ELOVL7: variants seen among roughly 807,000 people sequenced by gnomAD.
The protein encoded by ELOVL7 is ELOVL fatty acid elongase 7.
In ELOVL7, 27 loss-of-function variants were observed where a neutral mutation model predicts 35.7. The observed-to-expected ratio is 0.76, with a 90% confidence interval of 0.56 to 1.04. The LOEUF (loss-of-function observed/expected upper bound fraction) is 1.04. Among genes scored for constraint, ELOVL7 ranks in the 50% least tolerant of loss-of-function variants. ELOVL7 has a pLI of 0.00. For synonymous variants in ELOVL7, 113 were observed against 114.6 expected, an observed-to-expected ratio of 0.99 and a Z score of 0.09; for missense variants, 327 against 340.8, an observed-to-expected ratio of 0.96 and a Z score of 0.32.
At chr5:60,759,781 C>T (rs940965737) in intron 7 of ELOVL7, among the ~76,000 whole-genome samples, 2 of 151,996 alleles carry the variant, frequency 1.3e-5, no homozygotes, top group Non-Finnish European at 2.9e-5. Flanking sequence ...AATGCTATCC[C>T]TCTCCCGTCC....
intron 1 of ELOVL7, among the ~76,000 whole-genome samples, chr5:60,827,658 T>C (rs1412417665): frequency 1.3e-5 from 2 of 152,168 alleles, no homozygotes; most frequent in Non-Finnish European, 2.9e-5. Flanking sequence ...GACCTTTAAA[T>C]GCCCCATCAT....
chr5:60,757,648 G>A lies in ELOVL7; in HGVS notation c.500-3C>T. On this transcript the variant is annotated splice_polypyrimidine_tract_variant and splice_region_variant and intron_variant, in intron 7 of 8. Transcript: ENST00000508821. ...GGCATGGAATGTTCCCAAACCACCT[G>A]GAAAATAAAATTATTGTAACATGGG... 2 of 1,522,486 alleles carry A rather than the reference G, an allele frequency of 1.3e-6. No homozygotes were observed. The highest frequency in any genetic ancestry group is 2.3e-5 in the East Asian group (1 of 43,330). The allele number at this position is 1,522,486 out of a possible 1,614,324, so 94.3% of individuals were successfully genotyped here.
At chr5:60,811,856 C>A (rs922138306) in intron 1 of ELOVL7, among the ~76,000 whole-genome samples, 7 of 152,010 alleles carry the variant, frequency 4.6e-5, no homozygotes, top group African/African-American at 1.7e-4. Context: ...TCTCTTATAG[C>A]AACATAAAGG....
At chr5:60,830,671 AC>A (rs1746433507) in intron 1 of ELOVL7, among the ~76,000 whole-genome samples, 2 of 151,094 alleles carry the variant, frequency 1.3e-5, no homozygotes, top group South Asian at 4.2e-4. Flanking sequence ...ATAGTAAAAT[AC>A]AAATAACTTA....
chr5:60,837,313 G>C lies in ELOVL7; in HGVS notation c.-86+6847C>G, dbSNP rs1257982832. ...CCGGGCAGGCGTGGTAGGGCGGGGGGGTGGGGGGGGAGTGGGGGGTGGGGG... is the reference window on the plus strand; with the variant it reads ...CCGGGCAGGCGTGGTAGGGCGGGGGCGTGGGGGGGGAGTGGGGGGTGGGGG... On this transcript the variant is annotated intron_variant, in intron 1 of 8. Transcript: ENST00000508821. 2.7e-4 allele frequency among the ~76,000 whole-genome samples: 29 copies of C among 107,830 alleles called. 1 individual carries two copies. The highest frequency in any genetic ancestry group is 4.8e-4 in the Non-Finnish European group (25 of 52,472). 70.7% of individuals were successfully genotyped at this position (107,830 alleles called of 152,430 possible). A position where few individuals can be genotyped will look rare whatever the true frequency, so the allele number is the denominator to read the frequency against.
intron 1 of ELOVL7, among the ~76,000 whole-genome samples, chr5:60,839,490 T>C (rs1350852566): frequency 1.3e-5 from 2 of 152,240 alleles, no homozygotes; most frequent in Non-Finnish European, 2.9e-5. Flanking sequence ...AGACCAGTGA[T>C]ATAAAATGCC....
At chr5:60,784,000 A>G (rs1432772460) in intron 3 of ELOVL7, 6 of 689,374 alleles carry the variant, frequency 8.7e-6, no homozygotes, top group African/African-American at 1.7e-5. Flanking sequence ...CTATACCCCA[A>G]TGATTACCAA....
chr5:60,841,962 A>T (rs1747200201), intron 1 of ELOVL7, among the ~76,000 whole-genome samples: 1 of 152,194 alleles, frequency 6.6e-6, no homozygotes, highest in African/African-American at 2.4e-5. Context: ...AACTTCCTGT[A>T]AAACCTGGCT....
intron 1 of ELOVL7, among the ~76,000 whole-genome samples, chr5:60,824,215 A>T (rs908897257): frequency 6.6e-6 from 1 of 152,226 alleles, no homozygotes; most frequent in East Asian, 1.9e-4. Context: ...AGTCTCTGAG[A>T]GAGTGAAGAG....
intron 8 of ELOVL7, 123 bp downstream of exon 8, chr5:60,757,386 G>A: frequency 2.2e-6 from 2 of 916,776 alleles, no homozygotes; most frequent in Non-Finnish European, 3.2e-6. Context: ...ATCATGTAGG[G>A]GCCAGACGCT....
intron 3 of ELOVL7, among the ~76,000 whole-genome samples, chr5:60,779,422 A>G (rs1455365712): frequency 6.6e-6 from 1 of 152,208 alleles, no homozygotes; most frequent in East Asian, 1.9e-4. Flanking sequence ...AAATCTAGGT[A>G]GAGGTTCCCA....
intron 5 of ELOVL7, among the ~76,000 whole-genome samples, chr5:60,767,071 A>C (rs752933398): frequency 6.6e-6 from 1 of 152,122 alleles, no homozygotes; most frequent in Non-Finnish European, 1.5e-5. Flanking sequence ...CATTCTATAC[A>C]TATGCCACAT....
intron 1 of ELOVL7, among the ~76,000 whole-genome samples, chr5:60,801,658 G>A (rs1479105162): frequency 2.0e-5 from 3 of 151,866 alleles, no homozygotes; most frequent in East Asian, 1.9e-4. Flanking sequence ...AGTCATGATC[G>A]TGTCACTGCA....
At chr5:60,808,845 T>C (rs968825993) in intron 1 of ELOVL7, among the ~76,000 whole-genome samples, 1 of 152,202 alleles carries the variant, frequency 6.6e-6, no homozygotes, top group Admixed American at 6.5e-5. Flanking sequence ...GTATTTCTGT[T>C]AAGTGAAATA....
chr5:60,797,574 A>C (rs1213768361), intron 2 of ELOVL7, among the ~76,000 whole-genome samples: 1 of 152,228 alleles, frequency 6.6e-6, no homozygotes, highest in African/African-American at 2.4e-5. Context: ...GAAAGGAGTT[A>C]GTACAGATCC....
In ELOVL7 at chr5:60,787,380, A is replaced by G. The variant is rs1743664556; in HGVS notation, c.18T>C (p.Leu6=). The change falls in exon 3 of 9, where the codon CTT becomes CTC. Residue 6 remains leucine, a synonymous_variant. Transcript: ENST00000508821. MAFSD[L]TSRTVHLYDN... ...CATAAAGATGCACAGTCCTCGATGTAAGATCACTGAAGGCCATTTTCCACA... is the reference window on the plus strand; with the variant it reads ...CATAAAGATGCACAGTCCTCGATGTGAGATCACTGAAGGCCATTTTCCACA... 2 of 1,603,288 alleles carry G rather than the reference A, an allele frequency of 1.2e-6. No individual in the cohort carries two copies. The highest frequency in any genetic ancestry group is 1.3e-5 in the African/African-American group (1 of 74,362).
At chr5:60,833,881 T>G (rs1337085810) in intron 1 of ELOVL7, among the ~76,000 whole-genome samples, 1 of 152,148 alleles carries the variant, frequency 6.6e-6, no homozygotes, top group Non-Finnish European at 1.5e-5. Context: ...TTATAAAATA[T>G]AATTTTATTT....
chr5:60,812,414 G>A (rs926420122), intron 1 of ELOVL7, among the ~76,000 whole-genome samples: 1 of 152,012 alleles, frequency 6.6e-6, no homozygotes, highest in Non-Finnish European at 1.5e-5. Context: ...AATTTAACTG[G>A]TTGTGACCTA....
chr5:60,762,927 G>C (rs1210254870), intron 7 of ELOVL7, among the ~76,000 whole-genome samples: 2 of 152,088 alleles, frequency 1.3e-5, no homozygotes, highest in African/African-American at 4.8e-5. Context: ...ACACCAATAA[G>C]TGTCAATGTA....
Sources: allele counts gnomAD v4.1 joint callset (sites outside exome capture counted in the v4.1 genomes callset), GRCh38; gene constraint gnomAD v4.1.1; transcripts MANE v1.5; gene names NCBI Gene and HGNC (gene_info 2026-07-23, HGNC 2026-07-21).